The following CWC27 variants were observed in gnomAD, a reference collection of about 807,000 sequenced individuals.
The protein encoded by CWC27 is spliceosome-associated protein CWC27 homolog.
Under a neutral mutation model 63.6 loss-of-function variants are expected in CWC27, and 47 were observed. That is an observed-to-expected ratio of 0.74 (90% CI 0.58 to 0.94). CWC27 has a LOEUF of 0.94. Ranked by LOEUF, CWC27 falls within the 40% of genes least tolerant of loss-of-function variation. CWC27 has a pLI of 0.00. For missense variants in CWC27, 495 were observed against 554.3 expected, an observed-to-expected ratio of 0.89 and a Z score of 1.07; for synonymous variants, 175 against 179.8, an observed-to-expected ratio of 0.97 and a Z score of 0.22.
At chr5:64,942,000 T>C (rs770789597) in intron 11 of CWC27, among the ~76,000 whole-genome samples, 1 of 152,154 alleles carries the variant, frequency 6.6e-6, no homozygotes, top group Non-Finnish European at 1.5e-5. Flanking sequence ...AAATTATAAC[T>C]ATTTTGCAGA....
intron 11 of CWC27, among the ~76,000 whole-genome samples, chr5:64,955,394 T>A (rs1748786205): frequency 6.6e-6 from 1 of 152,212 alleles, no homozygotes; most frequent in African/African-American, 2.4e-5. Flanking sequence ...TTTTATCCAA[T>A]ATTTTTTCCA....
chr5:64,960,591 A>G (rs1324723003), intron 11 of CWC27, among the ~76,000 whole-genome samples: 5 of 152,174 alleles, frequency 3.3e-5, no homozygotes, highest in African/African-American at 1.2e-4. Context: ...AGGTACAACT[A>G]GACATTAGTA....
At chr5:64,924,373 A>C (rs1258801941) in intron 11 of CWC27, among the ~76,000 whole-genome samples, 1 of 152,240 alleles carries the variant, frequency 6.6e-6, no homozygotes, top group African/African-American at 2.4e-5. Flanking sequence ...GATTCTTCTA[A>C]GCATGCATTG....
chr5:64,840,755 A>T (rs1745812028), intron 10 of CWC27, among the ~76,000 whole-genome samples: 1 of 152,132 alleles, frequency 6.6e-6, no homozygotes, highest in South Asian at 2.1e-4. Context: ...TTTGGCCTAA[A>T]TATGAACAGT....
chr5:64,827,527 C>T (rs1745396161), intron 10 of CWC27, among the ~76,000 whole-genome samples: 2 of 152,058 alleles, frequency 1.3e-5, no homozygotes. Context: ...GTTGGAATAC[C>T]AGCTGTACCA....
chr5:64,940,506 C>G (rs1347190553), intron 11 of CWC27, among the ~76,000 whole-genome samples: 1 of 152,144 alleles, frequency 6.6e-6, no homozygotes, highest in Admixed American at 6.5e-5. Flanking sequence ...AGAAATCACC[C>G]GCCTTCTGCA....
chr5:64,809,253 G>GT (rs1252606456), intron 10 of CWC27, among the ~76,000 whole-genome samples: 18 of 152,162 alleles, frequency 1.2e-4, no homozygotes, highest in Admixed American at 1.2e-3. Context: ...GCTAATTAAC[G>GT]TATTTATCCA....
intron 11 of CWC27, among the ~76,000 whole-genome samples, chr5:64,954,594 A>G (rs1303134869): frequency 6.9e-6 from 1 of 145,242 alleles, no homozygotes; most frequent in Non-Finnish European, 1.5e-5. Flanking sequence ...CCCCTATTAT[A>G]TTTAAGTGAA....
intron 11 of CWC27, among the ~76,000 whole-genome samples, chr5:64,971,030 CAT>C (rs553350298): frequency 3.3e-5 from 5 of 150,334 alleles, no homozygotes; most frequent in Non-Finnish European, 7.4e-5. Context: ...GATATTTACA[CAT>C]GTGAGGTATT....
intron 13 of CWC27, among the ~76,000 whole-genome samples, chr5:65,006,122 A>G (rs899127974): frequency 4.6e-5 from 7 of 152,174 alleles, no homozygotes; most frequent in East Asian, 1.9e-4. Flanking sequence ...GTTTGTTAGC[A>G]TAGTCAACAA....
chr5:64,846,474 A>G (rs1358204044), intron 10 of CWC27, among the ~76,000 whole-genome samples: 1 of 152,218 alleles, frequency 6.6e-6, no homozygotes, highest in Non-Finnish European at 1.5e-5. Context: ...TTATCAGCTT[A>G]TACTTGATTG....
intron 10 of CWC27, among the ~76,000 whole-genome samples, chr5:64,831,127 CAG>C (rs1745504923): frequency 6.6e-6 from 1 of 152,082 alleles, no homozygotes; most frequent in African/African-American, 2.4e-5. Context: ...AGTGCTCAAA[CAG>C]GTTTACTCCT....
intron 10 of CWC27, among the ~76,000 whole-genome samples, chr5:64,825,958 G>A (rs572243384): frequency 6.6e-6 from 1 of 152,336 alleles, no homozygotes; most frequent in East Asian, 1.9e-4. Context: ...TCTGTGAATA[G>A]TAGCTTCAGT....
At chr5:64,851,022 T>C (rs1214573333) in intron 10 of CWC27, among the ~76,000 whole-genome samples, 2 of 152,348 alleles carry the variant, frequency 1.3e-5, no homozygotes, top group East Asian at 1.9e-4. Context: ...ATTAGCATTA[T>C]ATGAATCAGA....
chr5:65,018,169 G>A lies in CWC27; in HGVS notation c.1267G>A (p.Val423Ile). Reference sequence around the variant, plus strand: ...TCTCTCCCTATTTAGGATGTCACATGTACTTCAGTTTGAGGATAAAAGCAG... The same window carrying A: ...TCTCTCCCTATTTAGGATGTCACATATACTTCAGTTTGAGGATAAAAGCAG... ...VEDDEGWMSH[V>I]LQFEDKSRKV... is the part of the protein sequence containing the mutation. Residue 423 changes from valine (V) to isoleucine (I), a missense_variant, in exon 14 of 14, where the codon GTA becomes ATA. By Grantham distance (29) the Val-to-Ile change is conservative. Transcript: ENST00000381070. 1.3e-6 allele frequency: 2 copies of A among 1,596,574 alleles called. No individual in the cohort carries two copies. The highest frequency in any genetic ancestry group is 1.7e-6 in the Non-Finnish European group (2 of 1,175,106).
chr5:64,973,135 ATGAT>A (rs760600834), intron 12 of CWC27, among the ~76,000 whole-genome samples: 4 of 152,198 alleles, frequency 2.6e-5, no homozygotes, highest in Non-Finnish European at 5.9e-5. Flanking sequence ...GATATTAAAT[ATGAT>A]TGTAACATAA....
At chr5:64,848,310 AG>A (rs1407871976) in intron 10 of CWC27, among the ~76,000 whole-genome samples, 3 of 152,158 alleles carry the variant, frequency 2.0e-5, no homozygotes, top group African/African-American at 7.2e-5. Context: ...GAAGCTGAAC[AG>A]ACCAATAATG....
intron 13 of CWC27, among the ~76,000 whole-genome samples, chr5:65,012,682 C>T (rs1039667872): frequency 1.3e-5 from 2 of 152,128 alleles, no homozygotes; most frequent in African/African-American, 4.8e-5. Flanking sequence ...ATAAATAATG[C>T]ACTTGAGATT....
At chr5:64,870,752 T>C (rs1265665463) in intron 10 of CWC27, among the ~76,000 whole-genome samples, 1 of 152,138 alleles carries the variant, frequency 6.6e-6, no homozygotes, top group African/African-American at 2.4e-5. Flanking sequence ...TCATGTGATA[T>C]TGCATTCTAC....
Sources: gnomAD v4.1 joint callset for allele counts (sites outside exome capture counted in the v4.1 genomes callset) on GRCh38, gnomAD v4.1.1 for gene constraint, MANE v1.5 for transcripts, NCBI Gene and HGNC (gene_info 2026-07-23, HGNC 2026-07-21) for gene names.